The following MYO6 variants were observed in gnomAD, a reference collection of about 807,000 sequenced individuals.
MYO6 encodes unconventional myosin-VI.
Under a neutral mutation model 178.7 loss-of-function variants are expected in MYO6, and 74 were observed. The ratio of observed to expected loss-of-function variants is 0.41; its 90% CI spans 0.34 to 0.50. The LOEUF (loss-of-function observed/expected upper bound fraction) is 0.50, where lower values mean the gene tolerates loss of function less well. Ranked by LOEUF, MYO6 falls within the 20% of genes least tolerant of loss-of-function variation. The pLI, the probability that MYO6 is intolerant of heterozygous loss-of-function variation, is 0.09. For missense variants in MYO6, 1,330 were observed against 1,547.4 expected (o/e 0.86, Z 2.36); for synonymous variants, 477 against 504.6 (o/e 0.95, Z 0.73).
intron 32 of MYO6, among the ~76,000 whole-genome samples, chr6:75,909,317 G>C (rs1172878700): frequency 1.3e-5 from 2 of 152,154 alleles, no homozygotes; most frequent in Non-Finnish European, 2.9e-5. Flanking sequence ...TAGGGTTATA[G>C]CCTGGAAAAA....
intron 30 of MYO6, among the ~76,000 whole-genome samples, chr6:75,906,197 CTTCTT>C (rs1423867809): frequency 6.6e-6 from 1 of 151,342 alleles, no homozygotes; most frequent in Non-Finnish European, 1.5e-5. Context: ...TTTGTGCCAC[CTTCTT>C]TTCATGTCTT....
chr6:75,864,875 G>C (rs1776516733), intron 16 of MYO6, among the ~76,000 whole-genome samples: 1 of 152,158 alleles, frequency 6.6e-6, no homozygotes, highest in Non-Finnish European at 1.5e-5. Context: ...ATTTAATCCT[G>C]TTAGATGTGT....
At chr6:75,833,096 TC>T in intron 6 of MYO6, 149 bp downstream of exon 6, 1 of 668,756 alleles carries the variant, frequency 1.5e-6, no homozygotes, top group Non-Finnish European at 2.7e-6. Flanking sequence ...AAGCCACTGT[TC>T]CACCTCATTC....
rs986223790 is a variant in MYO6 at position 75,890,177 on chromosome 6, A to G, written c.2779A>G (p.Arg927Gly). The G allele has an allele frequency of 1.9e-6, 3 of 1,612,766 alleles. No homozygotes were observed. The highest frequency in any genetic ancestry group is 2.5e-6 in the Non-Finnish European group (3 of 1,178,792). The change falls in exon 26 of 35, where the codon AGG becomes GGG. Residue 927 changes from arginine (R) to glycine (G), a missense_variant. Transcript: ENST00000369977. The part of the protein sequence containing the change: ...KQQEEEAERL[R>G]RIQEEMEKER... ...GCAGGAAGAGGAAGCAGAAAGGCTG[A>G]GGCGTATTCAAGAAGAAATGGAAAA...
chr6:75,794,760 ATAAAAT>A (rs1768633101), intron 1 of MYO6, among the ~76,000 whole-genome samples: 6 of 139,854 alleles, frequency 4.3e-5, no homozygotes, highest in African/African-American at 1.8e-4. Context: ...AAAAAAAAAA[ATAAAAT>A]GTGCTCTTTT....
intron 27 of MYO6, 50 bp from the exon 28 acceptor site, chr6:75,892,480 A>G: frequency 1.2e-6 from 2 of 1,612,354 alleles, no homozygotes; most frequent in Non-Finnish European, 1.7e-6. Flanking sequence ...GGGAGTGATC[A>G]AGTAAACAAG....
chr6:75,836,384 T>C (rs993890936), intron 7 of MYO6, among the ~76,000 whole-genome samples: 18 of 152,286 alleles, frequency 1.2e-4, no homozygotes, highest in African/African-American at 4.3e-4. Context: ...TTCCTTAAGC[T>C]ATCCATGCTT....
chr6:75,860,882 G>A, intron 14 of MYO6, 141 bp from the exon 15 acceptor site: 2 of 683,578 alleles, frequency 2.9e-6, no homozygotes, highest in South Asian at 3.4e-5. Flanking sequence ...AATCTGTTAT[G>A]TTTTTGGAAA....
chr6:75,840,885 A>G (rs1774151316), intron 8 of MYO6, among the ~76,000 whole-genome samples: 1 of 152,222 alleles, frequency 6.6e-6, no homozygotes, highest in Non-Finnish European at 1.5e-5. Context: ...ATTTGACTTC[A>G]GCATTGAGTA....
At chr6:75,904,701 G>T (rs1331550963) in intron 30 of MYO6, among the ~76,000 whole-genome samples, 1 of 152,008 alleles carries the variant, frequency 6.6e-6, no homozygotes, top group Non-Finnish European at 1.5e-5. Context: ...GAGTAATTTG[G>T]TCGTCTGAAG....
chr6:75,839,678 A>G (rs1460372853), intron 7 of MYO6, among the ~76,000 whole-genome samples: 1 of 152,184 alleles, frequency 6.6e-6, no homozygotes, highest in Non-Finnish European at 1.5e-5. Flanking sequence ...TGATATGTGT[A>G]TAGGTGATTA....
At chr6:75,905,032 C>G (rs562643589) in intron 30 of MYO6, among the ~76,000 whole-genome samples, 38 of 152,148 alleles carry the variant, frequency 2.5e-4, no homozygotes, top group Admixed American at 6.5e-4. Flanking sequence ...CCCAGTTAGG[C>G]TGCTTAGGGG....
intron 15 of MYO6, 51 bp downstream of exon 15, chr6:75,861,146 T>A (rs758520293): frequency 2.2e-6 from 3 of 1,343,896 alleles, no homozygotes; most frequent in African/African-American, 2.9e-5. Context: ...ATGTAGTGAA[T>A]GTGTTTAGTG....
chr6:75,806,556 C>T (rs974938851), intron 1 of MYO6, among the ~76,000 whole-genome samples: 12 of 152,214 alleles, frequency 7.9e-5, no homozygotes, highest in Non-Finnish European at 1.3e-4. Flanking sequence ...AAAATCTCTG[C>T]AGCACTGTGA....
intron 1 of MYO6, among the ~76,000 whole-genome samples, chr6:75,770,619 A>C (rs1765782817): frequency 6.6e-6 from 1 of 152,078 alleles, no homozygotes; most frequent in South Asian, 2.1e-4. Flanking sequence ...CGGGATTACA[A>C]GCTTGCACCA....
intron 1 of MYO6, among the ~76,000 whole-genome samples, chr6:75,810,432 G>A (rs1002594093): frequency 1.3e-5 from 2 of 152,192 alleles, no homozygotes; most frequent in Non-Finnish European, 2.9e-5. Flanking sequence ...TCTTATTGCT[G>A]CAAAGAATCT....
In MYO6 at chr6:75,891,314, C is replaced by T. The variant is rs971454695; in HGVS notation, c.2946+8C>T. On this transcript the variant is annotated splice_region_variant and intron_variant, in intron 27 of 34. Transcript: ENST00000369977. ...GATGAAAAACGCATTCAAGTATGTACTTACTGGGTTGAATTTCTATTAAAA... is the reference window on the plus strand; with the variant it reads ...GATGAAAAACGCATTCAAGTATGTATTTACTGGGTTGAATTTCTATTAAAA... 1.3e-5 allele frequency: 20 copies of T among 1,590,318 alleles called. No individual in the cohort carries two copies. The highest frequency in any genetic ancestry group is 1.5e-5 in the Non-Finnish European group (18 of 1,162,426).
intron 10 of MYO6, among the ~76,000 whole-genome samples, chr6:75,845,410 A>G (rs1414766209): frequency 6.6e-6 from 1 of 152,148 alleles, no homozygotes; most frequent in African/African-American, 2.4e-5. Context: ...AAATGCTTAT[A>G]GGCTAGGCGT....
Position 75,801,377 on chromosome 6 carries a change from T to A in MYO6, c.-47-16124T>A, listed in dbSNP as rs1002418934. Among the ~76,000 whole-genome samples the A allele has an allele frequency of 2.2e-4, 33 of 152,070 alleles. 1 individual carries two copies. Among genetic ancestry groups the A allele is most frequent in the Middle Eastern group, 3.4e-3 (1 of 294 alleles). ...AGAGGAGAGGAGGGGTGGTTGTTCTTGCATGGCTTAAGAAGGAATAGGATC... is the reference window on the plus strand; with the variant it reads ...AGAGGAGAGGAGGGGTGGTTGTTCTAGCATGGCTTAAGAAGGAATAGGATC... On this transcript the variant is annotated intron_variant, in intron 1 of 34. Transcript: ENST00000369977.
Sources: gnomAD v4.1 joint callset for allele counts (sites outside exome capture counted in the v4.1 genomes callset) on GRCh38, gnomAD v4.1.1 for gene constraint, MANE v1.5 for transcripts, NCBI Gene and HGNC (gene_info 2026-07-23, HGNC 2026-07-21) for gene names.